The following GPR107 variants were observed in gnomAD, a reference collection of about 807,000 sequenced individuals.
GPR107 encodes protein GPR107.
In GPR107, 31 loss-of-function variants were observed where a neutral mutation model predicts 75.5. That is an observed-to-expected ratio of 0.41 (90% CI 0.31 to 0.55). The LOEUF (loss-of-function observed/expected upper bound fraction) is 0.55. GPR107 is among the 20% of genes least tolerant of loss of function. The pLI is 0.26. For synonymous variants in GPR107, 267 were observed against 251.3 expected, an observed-to-expected ratio of 1.06 and a Z score of -0.59; for missense variants, 572 against 665.7, an observed-to-expected ratio of 0.86 and a Z score of 1.55.
intron 9 of GPR107, among the ~76,000 whole-genome samples, chr9:130,098,447 A>C (rs893801151): frequency 6.6e-6 from 1 of 152,254 alleles, no homozygotes; most frequent in Non-Finnish European, 1.5e-5. Context: ...GACTTCCCCT[A>C]CAGCTATTTG....
At chr9:130,074,391 A>T (rs1019721388) in intron 1 of GPR107, among the ~76,000 whole-genome samples, 1 of 152,214 alleles carries the variant, frequency 6.6e-6, no homozygotes, top group Non-Finnish European at 1.5e-5. Context: ...TACCCTTCAC[A>T]CCAAGAATCA....
intron 1 of GPR107, among the ~76,000 whole-genome samples, chr9:130,071,035 C>CTTTTTTTTTTTTTTT (rs56799662): frequency 5.1e-5 from 5 of 98,190 alleles, no homozygotes; most frequent in Non-Finnish European, 7.3e-5. Flanking sequence ...TTTTTTTTTT[C>CTTTTTTTTTTTTTTT]TTTTTTTTTT....
At position 130,103,530 on chromosome 9, in the gene GPR107, AT is replaced by A. The variant is rs1347001033; in HGVS notation, c.1132-889del. 1.1e-4 allele frequency among the ~76,000 whole-genome samples: 16 copies of A among 139,458 alleles called. 1 individual carries two copies. Among genetic ancestry groups the A allele is most frequent in the Non-Finnish European group, 2.6e-4 (16 of 60,954 alleles). The allele number at this position is 139,458 out of a possible 152,430, so 91.5% of individuals were successfully genotyped here. A position where few individuals can be genotyped will look rare whatever the true frequency, so the allele number is the denominator to read the frequency against. On this transcript the variant is annotated intron_variant, in intron 12 of 17. Coordinates refer to ENST00000347136, the MANE Select transcript of GPR107 (RefSeq NM_020960.5). This position sits in a 1 kb window ranked among gnomAD's most constrained non-coding sequence, Gnocchi z 4.3. ...GTGGAAAGACTTTTTATAAAGACTT[AT>A]GCTAAGAGCCTAATAACGGGCCTGA... is the stretch of plus-strand genomic sequence containing the variant.
chr9:130,120,653 A>T (rs1170572168), intron 14 of GPR107, among the ~76,000 whole-genome samples: 1 of 152,182 alleles, frequency 6.6e-6, no homozygotes, highest in Non-Finnish European at 1.5e-5. Context: ...CTCTGCATCG[A>T]TGGACATCTC....
intron 14 of GPR107, among the ~76,000 whole-genome samples, chr9:130,111,938 A>C (rs1831314035): frequency 6.6e-6 from 1 of 151,474 alleles, no homozygotes; most frequent in Non-Finnish European, 1.5e-5. Context: ...TCCGAGAGGG[A>C]GCTTAATTGA....
chr9:130,075,241 C>CTTTTTTTTTTTTTT (rs149248581), intron 1 of GPR107, among the ~76,000 whole-genome samples: 1 of 76,738 alleles, frequency 1.3e-5, no homozygotes, highest in Non-Finnish European at 2.6e-5. Context: ...TTTCTTTTAC[C>CTTTTTTTTTTTTTT]TTTTTTTTTT....
At position 130,125,000 on chromosome 9, in the gene GPR107, TA is replaced by T; in HGVS notation, c.1356+40del. On this transcript the variant is annotated intron_variant, in intron 15 of 17. Coordinates refer to ENST00000347136, the MANE Select transcript of GPR107 (RefSeq NM_020960.5). ...AAAAAAAAAATCCTCAATCTATAAA[TA>T]AAATCAATTCAAGGAGTAGAGCAAA... 3.9e-6 allele frequency: 4 copies of T among 1,035,880 alleles called. 1 individual carries two copies. The highest frequency in any genetic ancestry group is 5.5e-6 in the Non-Finnish European group (4 of 723,770). 64.2% of individuals were successfully genotyped at this position (1,035,880 alleles called of 1,614,324 possible). A position where few individuals can be genotyped will look rare whatever the true frequency, so the allele number is the denominator to read the frequency against.
intron 16 of GPR107, among the ~76,000 whole-genome samples, chr9:130,128,175 T>C (rs1193090762): frequency 6.6e-6 from 1 of 152,242 alleles, no homozygotes; most frequent in East Asian, 1.9e-4. Context: ...AGAACTTAGA[T>C]GAGATGTGGT....
At chr9:130,130,875 AAG>A (rs1169907838) in intron 17 of GPR107, among the ~76,000 whole-genome samples, 15 of 72,212 alleles carry the variant, frequency 2.1e-4, no homozygotes, top group African/African-American at 8.7e-4. Context: ...CGTCTCAAAA[AAG>A]AAAAAAAAAA....
chr9:130,114,112 T>C (rs1249183621), intron 14 of GPR107, among the ~76,000 whole-genome samples: 1 of 149,214 alleles, frequency 6.7e-6, no homozygotes, highest in Non-Finnish European at 1.5e-5. Context: ...CTTATGCCTG[T>C]AATCCCAGCA....
chr9:130,095,634 C>T (rs904523528), intron 9 of GPR107, among the ~76,000 whole-genome samples: 18 of 152,148 alleles, frequency 1.2e-4, no homozygotes, highest in African/African-American at 4.3e-4. Context: ...ACTTCGTGAT[C>T]CACCTGCCTT....
At chr9:130,075,793 T>TC (rs749412366) in intron 2 of GPR107, 44 bp downstream of exon 2, 1 of 1,041,910 alleles carries the variant, frequency 9.6e-7, no homozygotes, top group South Asian at 1.3e-5. Flanking sequence ...TCTTTTTTTT[T>TC]TTTTTTTGAG....
chr9:130,125,916 A>T (rs1186054115), intron 15 of GPR107, among the ~76,000 whole-genome samples: 1 of 151,920 alleles, frequency 6.6e-6, no homozygotes, highest in Non-Finnish European at 1.5e-5. Flanking sequence ...TTAGCTGGGC[A>T]TGGTGGCGTG....
At chr9:130,114,670 G>A in intron 14 of GPR107, 2 of 1,061,338 alleles carry the variant, frequency 1.9e-6, no homozygotes, top group Non-Finnish European at 2.4e-6. Context: ...ACAGGTGTGA[G>A]CCACTGGACC....
At chr9:130,111,953 C>T (rs964161432) in intron 14 of GPR107, among the ~76,000 whole-genome samples, 6 of 152,292 alleles carry the variant, frequency 3.9e-5, no homozygotes, top group Non-Finnish European at 8.8e-5. Flanking sequence ...AATTGAGTCT[C>T]GCACAGACAC....
chr9:130,077,256 G>A, intron 3 of GPR107, 43 bp from the exon 4 acceptor site: 1 of 987,748 alleles, frequency 1.0e-6, no homozygotes, highest in Non-Finnish European at 1.6e-6. Flanking sequence ...TTGTTCTAGT[G>A]TGAATGAATA....
At chr9:130,134,430 C>T (rs1281024012) in intron 17 of GPR107, among the ~76,000 whole-genome samples, 1 of 152,238 alleles carries the variant, frequency 6.6e-6, no homozygotes, top group Non-Finnish European at 1.5e-5. Flanking sequence ...GCCCCGGGAG[C>T]TCACAGAGTG....
At chr9:130,126,321 C>A (rs1479724244) in intron 15 of GPR107, among the ~76,000 whole-genome samples, 2 of 147,384 alleles carry the variant, frequency 1.4e-5, no homozygotes, top group African/African-American at 2.5e-5. Flanking sequence ...CTTCCTGAGT[C>A]TTGAAAGAAC....
intron 17 of GPR107, among the ~76,000 whole-genome samples, chr9:130,130,841 G>A (rs1256472785): frequency 6.2e-5 from 9 of 145,780 alleles, no homozygotes; most frequent in African/African-American, 2.0e-4. Flanking sequence ...CTGCACTCGA[G>A]CCTGGGCGAT....
Sources: allele counts gnomAD v4.1 joint callset (sites outside exome capture counted in the v4.1 genomes callset), GRCh38; gene constraint gnomAD v4.1.1; non-coding constraint Gnocchi (gnomAD v3.1); transcripts MANE v1.5; gene names NCBI Gene and HGNC (gene_info 2026-07-23, HGNC 2026-07-21).